The following ATG10 variants were observed in gnomAD, a reference collection of about 807,000 sequenced individuals.
The protein encoded by ATG10 is autophagy related 10.
A neutral mutation model predicts 32.1 loss-of-function variants in ATG10; 30 were observed. The ratio of observed to expected loss-of-function variants is 0.94; its 90% CI spans 0.70 to 1.27. The LOEUF is 1.27. Ranked by LOEUF, ATG10 falls within the 50% of genes most tolerant of loss-of-function variation. ATG10 has a pLI of 0.00. For synonymous variants in ATG10, 87 were observed against 91.5 expected (o/e 0.95, Z 0.28); for missense variants, 233 against 262.3 (o/e 0.89, Z 0.77).
chr5:82,198,577 C>T lies in ATG10; in HGVS notation c.453+19990C>T, dbSNP rs532365112. On this transcript the variant is annotated intron_variant, in intron 5 of 7. Coordinates refer to ENST00000282185, the MANE Select transcript of ATG10 (RefSeq NM_031482.5). ...GGCAGCCAAGGATGTGCACTATCTA[C>T]ATGTTTTCTGTAGTTTTAGCCTTAA... 3.9e-5 allele frequency among the ~76,000 whole-genome samples: 6 copies of T among 152,296 alleles called. No individual in the cohort carries two copies. In the South Asian group the frequency reaches 1.2e-3, roughly 32 times the overall value.
Position 82,255,750 on chromosome 5 carries a change from A to G in ATG10, c.*1687A>G, listed in dbSNP as rs1747439333. 6.6e-6 allele frequency: 1 copy of G among 152,230 alleles called. No individual in the cohort carries two copies. Among genetic ancestry groups the G allele is most frequent in the Non-Finnish European group, 1.5e-5 (1 of 68,056 alleles). 9.4% of individuals were successfully genotyped at this position (152,230 alleles called of 1,614,324 possible). A position where few individuals can be genotyped will look rare whatever the true frequency, so the allele number is the denominator to read the frequency against. On this transcript the variant is annotated 3_prime_UTR_variant, in exon 8 of 8. Coordinates refer to ENST00000282185, the MANE Select transcript of ATG10 (RefSeq NM_031482.5). ...GTAAGGAAGCTTAGGAGACATGTAC[A>G]CAAGGCAGCCCACTTGTAGGAAACT...
At chr5:82,086,080 G>A (rs1297786876) in intron 3 of ATG10, among the ~76,000 whole-genome samples, 3 of 152,114 alleles carry the variant, frequency 2.0e-5, no homozygotes, top group African/African-American at 4.8e-5. Flanking sequence ...GATAGATTCA[G>A]TAAAAGGTGT....
chr5:82,155,409 G>C (rs1767763230), intron 3 of ATG10, among the ~76,000 whole-genome samples: 1 of 152,128 alleles, frequency 6.6e-6, no homozygotes, highest in Non-Finnish European at 1.5e-5. Flanking sequence ...CTTAAAATTA[G>C]GATTTTCAGG....
intron 5 of ATG10, among the ~76,000 whole-genome samples, chr5:82,243,569 A>C (rs931292584): frequency 6.6e-6 from 1 of 152,148 alleles, no homozygotes; most frequent in African/African-American, 2.4e-5. Flanking sequence ...CATATTAGTG[A>C]TAAACACCAT....
intron 5 of ATG10, among the ~76,000 whole-genome samples, chr5:82,196,791 C>G (rs1744866219): frequency 6.6e-6 from 1 of 152,172 alleles, no homozygotes; most frequent in Non-Finnish European, 1.5e-5. Flanking sequence ...TTTACTGTGG[C>G]TTTATAACAG....
chr5:82,011,588 G>T (rs1762128633), intron 2 of ATG10, among the ~76,000 whole-genome samples: 1 of 152,200 alleles, frequency 6.6e-6, no homozygotes, highest in African/African-American at 2.4e-5. Flanking sequence ...TTTTGAGCCT[G>T]GCTTCGTTCT....
At chr5:82,194,459 G>A (rs1299465256) in intron 5 of ATG10, among the ~76,000 whole-genome samples, 1 of 152,132 alleles carries the variant, frequency 6.6e-6, no homozygotes, top group African/African-American at 2.4e-5. Context: ...TTAGTATTAA[G>A]ATATGAACTT....
intron 3 of ATG10, among the ~76,000 whole-genome samples, chr5:82,061,428 C>A (rs1763769484): frequency 6.7e-6 from 1 of 150,026 alleles, no homozygotes; most frequent in Non-Finnish European, 1.5e-5. Context: ...TGTCCTTTAT[C>A]TCTCCTTCTT....
At position 82,125,864 on chromosome 5, in the gene ATG10, G is replaced by A. The variant is rs185947891; in HGVS notation, c.217-38535G>A. On this transcript the variant is annotated intron_variant, in intron 3 of 7. Coordinates refer to ENST00000282185, the MANE Select transcript of ATG10 (RefSeq NM_031482.5). ...GCGTTGAATCTATAAATTAGTTTGG[G>A]CAGTATGGCCATTTTCACGATACTG... 1.4e-4 allele frequency among the ~76,000 whole-genome samples: 21 copies of A among 152,290 alleles called. 1 individual carries two copies. Among genetic ancestry groups the A allele is most frequent in the African/African-American group, 5.1e-4 (21 of 41,560 alleles).
intron 2 of ATG10, among the ~76,000 whole-genome samples, chr5:81,991,795 C>CAAA (rs879300586): frequency 7.9e-6 from 1 of 127,302 alleles, no homozygotes; most frequent in Non-Finnish European, 1.7e-5. Flanking sequence ...AACTCCGTCT[C>CAAA]AAAAAAAAAA....
intron 3 of ATG10, among the ~76,000 whole-genome samples, chr5:82,136,018 T>C (rs927854665): frequency 2.6e-5 from 4 of 152,246 alleles, no homozygotes; most frequent in Admixed American, 1.3e-4. Flanking sequence ...AAAGTCTGTT[T>C]TATCAGAGAC....
In ATG10 at chr5:82,227,801, A is replaced by T. The variant is rs115808974; in HGVS notation, c.454-24761A>T. On this transcript the variant is annotated intron_variant, in intron 5 of 7. Transcript: ENST00000282185. ...GCTCTGTGACCTGGATTAGTCATTT[A>T]TGCTTACTCTATCTTAGTTTCTACA... Among the ~76,000 whole-genome samples the T allele has an allele frequency of 7.1e-3, 1,082 of 152,294 alleles. 11 individuals carry two copies. The highest frequency in any genetic ancestry group is 0.024 in the African/African-American group (1,006 of 41,554).
chr5:82,040,180 G>A (rs73768616), intron 2 of ATG10, among the ~76,000 whole-genome samples: 34,352 of 151,932 alleles, frequency 0.23, 4,056 homozygotes, highest in African/African-American at 0.3. Flanking sequence ...CCCATTTTCA[G>A]GGGGAGGGGA....
chr5:82,174,586 T>A (rs1388645042), intron 4 of ATG10, among the ~76,000 whole-genome samples: 1 of 152,210 alleles, frequency 6.6e-6, no homozygotes, highest in Non-Finnish European at 1.5e-5. Flanking sequence ...TAAACCTATT[T>A]GGGACTAGTA....
intron 2 of ATG10, among the ~76,000 whole-genome samples, chr5:81,991,572 T>G (rs1353154821): frequency 6.6e-6 from 1 of 152,260 alleles, no homozygotes; most frequent in African/African-American, 2.4e-5. Flanking sequence ...GGCAGGTTGA[T>G]TACCTGAGGT....
chr5:82,130,377 G>T (rs1029729341), intron 3 of ATG10, among the ~76,000 whole-genome samples: 1 of 151,984 alleles, frequency 6.6e-6, no homozygotes, highest in African/African-American at 2.4e-5. Flanking sequence ...GGCGTTCCAG[G>T]TGCCACTTGG....
In ATG10 at chr5:82,123,192, C is replaced by T. The variant is rs896483097; in HGVS notation, c.217-41207C>T. ...TACTATGCAGCTATAAAAAAGAATG[C>T]GGTCATGTATTCTGTGGGAACACAG... On this transcript the variant is annotated intron_variant, in intron 3 of 7. Transcript: ENST00000282185. Among the ~76,000 whole-genome samples the T allele has an allele frequency of 5.9e-5, 9 of 152,146 alleles. No homozygotes were observed. In the South Asian group the frequency reaches 6.2e-4, roughly 11 times the overall value.
At chr5:82,177,004 A>G (rs913982427) in intron 4 of ATG10, among the ~76,000 whole-genome samples, 6 of 152,224 alleles carry the variant, frequency 3.9e-5, no homozygotes, top group African/African-American at 1.4e-4. Context: ...TATATCAAAG[A>G]TGATATGCAC....
intron 3 of ATG10, among the ~76,000 whole-genome samples, chr5:82,082,198 T>C (rs974833008): frequency 6.6e-6 from 1 of 152,182 alleles, no homozygotes; most frequent in African/African-American, 2.4e-5. Flanking sequence ...TTCAGTTTTC[T>C]TGATAGACTT....
Sources: gnomAD v4.1 joint callset for allele counts (sites outside exome capture counted in the v4.1 genomes callset) on GRCh38, gnomAD v4.1.1 for gene constraint, MANE v1.5 for transcripts, NCBI Gene and HGNC (gene_info 2026-07-23, HGNC 2026-07-21) for gene names.